GRID1: variants seen among roughly 807,000 people sequenced by gnomAD.
GRID1 encodes the protein glutamate receptor ionotropic, delta-1.
A neutral mutation model predicts 98.0 loss-of-function variants in GRID1; 28 were observed. That is an observed-to-expected ratio of 0.29 (90% CI 0.21 to 0.39). The LOEUF (loss-of-function observed/expected upper bound fraction) is 0.39. Among genes scored for constraint, GRID1 ranks in the 10% least tolerant of loss-of-function variants. The probability of loss-of-function intolerance (pLI) is 1.00; values close to 1 mark genes in which losing one functional copy is unlikely to be tolerated. For synonymous variants in GRID1, 553 were observed against 538.5 expected (o/e 1.03, Z -0.37); for missense variants, 1,111 against 1,340.5 (o/e 0.83, Z 2.67).
At position 86,181,345 on chromosome 10, in the gene GRID1, G is replaced by A. The variant is rs534329308; in HGVS notation, c.520+25019C>T. ...GGACCTGGCTCTCCCCTGGGAAATGGAGTGCTTGTTCTCAGAGGTGCAGAG... is the reference window on the plus strand; with the variant it reads ...GGACCTGGCTCTCCCCTGGGAAATGAAGTGCTTGTTCTCAGAGGTGCAGAG... On this transcript the variant is annotated intron_variant, in intron 3 of 15. Transcript: ENST00000327946. Among the ~76,000 whole-genome samples, 380 of 150,834 alleles carry A rather than the reference G, an allele frequency of 2.5e-3. 2 individuals carry two copies. The highest frequency in any genetic ancestry group is 8.6e-3 in the African/African-American group (349 of 40,486).
chr10:85,859,396 G>C (rs1012550480), intron 6 of GRID1, among the ~76,000 whole-genome samples: 1 of 151,970 alleles, frequency 6.6e-6, no homozygotes, highest in Non-Finnish European at 1.5e-5. Flanking sequence ...GTGATGGATG[G>C]ATGGATGGAT....
At chr10:86,336,693 C>T (rs1848226372) in intron 2 of GRID1, among the ~76,000 whole-genome samples, 1 of 152,280 alleles carries the variant, frequency 6.6e-6, no homozygotes, top group African/African-American at 2.4e-5. Context: ...CCTCATTTGC[C>T]AGAAGGCAAC....
intron 8 of GRID1, among the ~76,000 whole-genome samples, chr10:85,800,286 G>C (rs566874246): frequency 6.6e-6 from 1 of 151,912 alleles, no homozygotes; most frequent in Non-Finnish European, 1.5e-5. Context: ...ATATAGTTGC[G>C]TATCAGACAA....
chr10:85,663,045 C>A (rs76059562), intron 12 of GRID1, among the ~76,000 whole-genome samples: 4,958 of 152,274 alleles, frequency 0.033, 127 homozygotes, highest in Middle Eastern at 0.048. Context: ...CGGACAACTC[C>A]TCACATTCCA....
chr10:85,853,476 T>C (rs759537166), intron 8 of GRID1, among the ~76,000 whole-genome samples: 3 of 152,190 alleles, frequency 2.0e-5, no homozygotes, highest in Admixed American at 1.3e-4. Flanking sequence ...TGTCTGTGAA[T>C]ACATGAGGCT....
At chr10:86,105,751 G>A (rs1430277617) in intron 4 of GRID1, among the ~76,000 whole-genome samples, 1 of 152,216 alleles carries the variant, frequency 6.6e-6, no homozygotes. Flanking sequence ...ATTGACATCA[G>A]TCAAATAAGC....
chr10:85,851,375 T>C (rs1042315591), intron 8 of GRID1, among the ~76,000 whole-genome samples: 1 of 152,146 alleles, frequency 6.6e-6, no homozygotes, highest in African/African-American at 2.4e-5. Context: ...ATATAGACCT[T>C]TGATTTTTCC....
chr10:86,068,008 G>A (rs540240313), intron 4 of GRID1, among the ~76,000 whole-genome samples: 1 of 152,342 alleles, frequency 6.6e-6, no homozygotes, highest in East Asian at 1.9e-4. Context: ...GGGAGAAAAG[G>A]AGAGGGGATT....
chr10:86,282,084 C>A (rs1476047170), intron 2 of GRID1, among the ~76,000 whole-genome samples: 1 of 152,222 alleles, frequency 6.6e-6, no homozygotes. Context: ...GATTCCACCA[C>A]TTAGAACCTT....
At chr10:85,887,464 A>G (rs1164666675) in intron 5 of GRID1, among the ~76,000 whole-genome samples, 1 of 152,210 alleles carries the variant, frequency 6.6e-6, no homozygotes. Flanking sequence ...AGTGAGATCC[A>G]TGGGCCAACA....
chr10:86,250,682 G>C (rs1407144940), intron 2 of GRID1, among the ~76,000 whole-genome samples: 1 of 151,806 alleles, frequency 6.6e-6, no homozygotes. Context: ...CAGTCCGGGA[G>C]GTGGGGGACA....
intron 4 of GRID1, among the ~76,000 whole-genome samples, chr10:86,012,273 C>T (rs558479078): frequency 6.6e-6 from 1 of 152,330 alleles, no homozygotes; most frequent in East Asian, 1.9e-4. Flanking sequence ...CTGGTCTCCA[C>T]AGGCTGTAAA....
intron 6 of GRID1, among the ~76,000 whole-genome samples, chr10:85,858,318 C>T: frequency 6.6e-6 from 1 of 152,158 alleles, no homozygotes; most frequent in East Asian, 1.9e-4. Context: ...CCTGGTCTGA[C>T]CTTCTTCAGG....
At chr10:86,131,537 CT>C (rs1844838534) in intron 4 of GRID1, among the ~76,000 whole-genome samples, 2 of 152,162 alleles carry the variant, frequency 1.3e-5, no homozygotes, top group Admixed American at 6.5e-5. Flanking sequence ...TCACAGTTCT[CT>C]TTGACCCCAG....
chr10:86,238,668 CAAAAAAAA>C (rs931719950), intron 2 of GRID1, among the ~76,000 whole-genome samples: 2 of 47,084 alleles, frequency 4.2e-5, no homozygotes, highest in African/African-American at 1.2e-4. Flanking sequence ...GATTCCATCT[CAAAAAAAA>C]AAAAAAAAAA....
chr10:85,669,974 A>G (rs941272161), intron 12 of GRID1, among the ~76,000 whole-genome samples: 1 of 152,212 alleles, frequency 6.6e-6, no homozygotes, highest in African/African-American at 2.4e-5. Context: ...CACCTGCATC[A>G]TAACAAGGTA....
At chr10:85,827,788 G>A (rs1452034578) in intron 8 of GRID1, among the ~76,000 whole-genome samples, 1 of 151,870 alleles carries the variant, frequency 6.6e-6, no homozygotes, top group South Asian at 2.1e-4. Flanking sequence ...AAGCACCAAG[G>A]TCTTCTAAGA....
At chr10:85,820,857 C>T (rs373334313) in intron 8 of GRID1, among the ~76,000 whole-genome samples, 14 of 152,220 alleles carry the variant, frequency 9.2e-5, no homozygotes, top group South Asian at 6.2e-4. Context: ...ACAGCATGGA[C>T]GTTTCTTTAA....
At chr10:85,899,076 A>G (rs1202438559) in intron 5 of GRID1, among the ~76,000 whole-genome samples, 1 of 152,226 alleles carries the variant, frequency 6.6e-6, no homozygotes, top group East Asian at 1.9e-4. Context: ...CAGCTCCACT[A>G]AAATCTTATG....
Sources: allele counts gnomAD v4.1 joint callset (sites outside exome capture counted in the v4.1 genomes callset), GRCh38; gene constraint gnomAD v4.1.1; transcripts MANE v1.5; gene names NCBI Gene and HGNC (gene_info 2026-07-23, HGNC 2026-07-21).